The following STK32B variants were observed in gnomAD, a reference collection of about 807,000 sequenced individuals.
The protein encoded by STK32B is serine/threonine kinase 32B, also known as serine/threonine-protein kinase 32B.
STK32B carries 43 observed loss-of-function variants against 52.6 expected under a neutral mutation model. That is an observed-to-expected ratio of 0.82 (90% CI 0.64 to 1.05). The LOEUF is 1.05. STK32B is among the 50% of genes least tolerant of loss of function. The probability of loss-of-function intolerance (pLI) is 0.00; values close to 1 mark genes in which losing one functional copy is unlikely to be tolerated. For synonymous variants in STK32B, 238 were observed against 204.3 expected (o/e 1.17, Z -1.41); for missense variants, 621 against 534.6 (o/e 1.16, Z -1.59).
At chr4:5,041,678 C>T in the STK32B span, among the ~76,000 whole-genome samples, 3 of 152,268 alleles carry the variant, frequency 2.0e-5, no homozygotes, top group African/African-American at 7.2e-5. Flanking sequence ...CAATAAAAGA[C>T]TGCTCTTGAA....
At chr4:5,136,993 G>C (rs1031632383) in intron 1 of STK32B, among the ~76,000 whole-genome samples, 9 of 152,208 alleles carry the variant, frequency 5.9e-5, no homozygotes, top group African/African-American at 2.2e-4. Context: ...AGGGGATATG[G>C]ATGACATGGG....
rs547239183 is a variant in STK32B, at chr4:5,293,419, G to A, written c.261-37801G>A. Among the ~76,000 whole-genome samples the A allele has an allele frequency of 1.4e-4, 22 of 152,124 alleles. No individual in the cohort carries two copies. The South Asian group carries it at 1.5e-3, about 10-fold the overall frequency. On this transcript the variant is annotated intron_variant, in intron 3 of 11. Transcript: ENST00000282908. ...TCACTCCCACCAACAGTGTAAAAGC[G>A]TTCCTATTTCTCCACATCCTCTCCA...
At chr4:5,336,389 C>T (rs913165169) in intron 4 of STK32B, among the ~76,000 whole-genome samples, 3 of 151,938 alleles carry the variant, frequency 2.0e-5, no homozygotes, top group African/African-American at 7.3e-5. Flanking sequence ...ATAGGATTAT[C>T]AGACATCCAG....
chr4:5,401,908 C>T (rs1434429664), intron 5 of STK32B, among the ~76,000 whole-genome samples: 1 of 152,208 alleles, frequency 6.6e-6, no homozygotes, highest in East Asian at 1.9e-4. Flanking sequence ...GCTCCTAAGA[C>T]CAAGGTTGGG....
chr4:5,026,779 TG>T, the STK32B span, among the ~76,000 whole-genome samples: 1 of 152,182 alleles, frequency 6.6e-6, no homozygotes, highest in Admixed American at 6.5e-5. Context: ...CCACTTGTGA[TG>T]GAAACCCAGG....
chr4:5,050,530 G>C (rs1741720422), upstream of STK32B, among the ~76,000 whole-genome samples: 1 of 152,178 alleles, frequency 6.6e-6, no homozygotes, highest in Non-Finnish European at 1.5e-5. Flanking sequence ...TAGGGGACGG[G>C]GACTGGGGGA....
chr4:5,107,670 C>T (rs1009727061), intron 1 of STK32B, among the ~76,000 whole-genome samples: 2 of 152,164 alleles, frequency 1.3e-5, no homozygotes, highest in Non-Finnish European at 2.9e-5. Flanking sequence ...TCTACCTCAT[C>T]GTCTGCTATT....
At chr4:5,220,636 T>G (rs887609429) in intron 3 of STK32B, among the ~76,000 whole-genome samples, 1 of 152,202 alleles carries the variant, frequency 6.6e-6, no homozygotes, top group African/African-American at 2.4e-5. Context: ...ACCTTGTATG[T>G]GAGCCTTAGG....
intron 4 of STK32B, among the ~76,000 whole-genome samples, chr4:5,341,633 C>A (rs1733083617): frequency 1.3e-5 from 2 of 152,134 alleles, no homozygotes; most frequent in South Asian, 2.1e-4. Flanking sequence ...TAAAGAAATA[C>A]ATGAGACTGA....
chr4:5,190,077 A>C (rs1156724073), intron 3 of STK32B, among the ~76,000 whole-genome samples: 2 of 152,144 alleles, frequency 1.3e-5, no homozygotes, highest in Non-Finnish European at 2.9e-5. Flanking sequence ...ACCGACCCAC[A>C]CTGAACTGGA....
chr4:5,166,167 C>T (rs558334473), intron 2 of STK32B, among the ~76,000 whole-genome samples: 7 of 152,136 alleles, frequency 4.6e-5, no homozygotes, highest in Non-Finnish European at 8.8e-5. Flanking sequence ...GAGAAAACCC[C>T]GAGTTCCTTC....
At chr4:5,457,046 C>G (rs28410569) in intron 8 of STK32B, 123 bp downstream of exon 8, 1 of 676,286 alleles carries the variant, frequency 1.5e-6, no homozygotes, top group African/African-American at 1.8e-5. Context: ...ATCAAATCAG[C>G]TGCGCTCAAA....
At chr4:5,372,942 A>G (rs965265774) in intron 4 of STK32B, among the ~76,000 whole-genome samples, 2 of 152,228 alleles carry the variant, frequency 1.3e-5, no homozygotes, top group African/African-American at 4.8e-5. Flanking sequence ...AGGAATCCTC[A>G]TTTCATTCAT....
At chr4:5,305,047 C>A (rs1729831083) in intron 3 of STK32B, among the ~76,000 whole-genome samples, 1 of 146,908 alleles carries the variant, frequency 6.8e-6, no homozygotes, top group Non-Finnish European at 1.5e-5. Flanking sequence ...CCCACTTGAT[C>A]ATGGTGGATT....
chr4:5,344,327 A>T (rs1376918307), intron 4 of STK32B, among the ~76,000 whole-genome samples: 1 of 152,236 alleles, frequency 6.6e-6, no homozygotes, highest in South Asian at 2.1e-4. Flanking sequence ...TGTATCTGAA[A>T]TGCCTGAAAC....
chr4:5,115,627 C>T (rs1466249463), intron 1 of STK32B, among the ~76,000 whole-genome samples: 2 of 151,142 alleles, frequency 1.3e-5, no homozygotes, highest in African/African-American at 2.4e-5. Context: ...AAACCAGTCC[C>T]AGTGCAGAGA....
At chr4:5,230,485 C>T (rs1020843418) in intron 3 of STK32B, among the ~76,000 whole-genome samples, 8 of 152,046 alleles carry the variant, frequency 5.3e-5, no homozygotes, top group African/African-American at 1.2e-4. Flanking sequence ...CCACCGCACC[C>T]GGCCACATTC....
intron 3 of STK32B, among the ~76,000 whole-genome samples, chr4:5,279,489 C>T (rs1194042280): frequency 6.6e-6 from 1 of 152,234 alleles, no homozygotes; most frequent in African/African-American, 2.4e-5. Flanking sequence ...CCCACAGCTG[C>T]ATCCACAGGC....
intron 1 of STK32B, among the ~76,000 whole-genome samples, chr4:5,093,971 G>A (rs1422805975): frequency 6.6e-6 from 1 of 152,220 alleles, no homozygotes; most frequent in African/African-American, 2.4e-5. Flanking sequence ...ATTGAGGTCT[G>A]CAGGGCGGTT....
Sources: allele counts gnomAD v4.1 joint callset (sites outside exome capture counted in the v4.1 genomes callset), GRCh38; gene constraint gnomAD v4.1.1; transcripts MANE v1.5; gene names NCBI Gene and HGNC (gene_info 2026-07-23, HGNC 2026-07-21).